CCDC91: variants seen among roughly 807,000 people sequenced by gnomAD.
The protein encoded by CCDC91 is coiled-coil domain containing 91.
In CCDC91, 48 loss-of-function variants were observed where a neutral mutation model predicts 63.2. The observed-to-expected ratio is 0.76, with a 90% CI of 0.60 to 0.97. The LOEUF is 0.97. Among genes scored for constraint, CCDC91 ranks in the 50% least tolerant of loss-of-function variants. The probability of loss-of-function intolerance (pLI) is 0.00; values close to 1 mark genes in which losing one functional copy is unlikely to be tolerated. For missense variants in CCDC91, 500 were observed against 494.6 expected (o/e 1.01, Z -0.10); for synonymous variants, 167 against 165.8 (o/e 1.01, Z -0.06).
intron 12 of CCDC91, among the ~76,000 whole-genome samples, chr12:28,526,328 G>C (rs1268950323): frequency 6.6e-6 from 1 of 152,040 alleles, no homozygotes; most frequent in Non-Finnish European, 1.5e-5. Context: ...ATGTTTGTTT[G>C]TCTGAAAAAG....
intron 8 of CCDC91, among the ~76,000 whole-genome samples, chr12:28,418,585 AG>A (rs1215237100): frequency 3.9e-5 from 6 of 152,142 alleles, no homozygotes; most frequent in Non-Finnish European, 7.4e-5. Flanking sequence ...GCTGTCCTTT[AG>A]AAAAAGCTGA....
chr12:28,363,304 G>C (rs1201848137), intron 7 of CCDC91, among the ~76,000 whole-genome samples: 1 of 151,740 alleles, frequency 6.6e-6, no homozygotes, highest in Non-Finnish European at 1.5e-5. Flanking sequence ...ACTCTTTCTT[G>C]CTGTATTTAC....
At chr12:28,224,404 C>T (rs1944142645) in intron 1 of CCDC91, among the ~76,000 whole-genome samples, 1 of 152,210 alleles carries the variant, frequency 6.6e-6, no homozygotes, top group Non-Finnish European at 1.5e-5. Context: ...GGCTTAATTT[C>T]TTCTAGGCTT....
intron 1 of CCDC91, among the ~76,000 whole-genome samples, chr12:28,234,374 T>C (rs1026920477): frequency 1.3e-5 from 2 of 152,146 alleles, no homozygotes; most frequent in Middle Eastern, 3.2e-3. Flanking sequence ...TGTCCTAAAT[T>C]TTTATAGTCT....
chr12:28,295,412 G>A (rs1949508824), intron 3 of CCDC91, among the ~76,000 whole-genome samples: 1 of 151,878 alleles, frequency 6.6e-6, no homozygotes, highest in South Asian at 2.1e-4. Flanking sequence ...TTGATATACA[G>A]CACACTAATA....
intron 8 of CCDC91, among the ~76,000 whole-genome samples, chr12:28,429,300 A>G (rs1449168179): frequency 2.0e-5 from 3 of 152,164 alleles, no homozygotes; most frequent in Admixed American, 2.0e-4. Context: ...TTAATCCAGT[A>G]TTCTTTCTAC....
chr12:28,435,595 G>C (rs1444317103), intron 8 of CCDC91, among the ~76,000 whole-genome samples: 1 of 151,764 alleles, frequency 6.6e-6, no homozygotes, highest in Non-Finnish European at 1.5e-5. Context: ...GCTGTTGTTG[G>C]ATGAAGTCTA....
chr12:28,500,630 C>T (rs1198183186), intron 12 of CCDC91, among the ~76,000 whole-genome samples: 4 of 151,634 alleles, frequency 2.6e-5, no homozygotes, highest in East Asian at 1.9e-4. Flanking sequence ...AAATAGATAC[C>T]GTTACCAAGT....
At chr12:28,534,848 C>T (rs1020933635) in intron 12 of CCDC91, among the ~76,000 whole-genome samples, 2 of 152,184 alleles carry the variant, frequency 1.3e-5, no homozygotes, top group East Asian at 1.9e-4. Flanking sequence ...CCTGCTTTCC[C>T]TCATTTCTCT....
intron 7 of CCDC91, among the ~76,000 whole-genome samples, chr12:28,388,213 T>C (rs1945722126): frequency 6.6e-6 from 1 of 152,164 alleles, no homozygotes; most frequent in African/African-American, 2.4e-5. Flanking sequence ...TTAGCCTACT[T>C]TTTGATGGGA....
intron 7 of CCDC91, among the ~76,000 whole-genome samples, chr12:28,376,063 G>C (rs1944924285): frequency 6.6e-6 from 1 of 151,666 alleles, no homozygotes; most frequent in African/African-American, 2.4e-5. Flanking sequence ...TTCTTTCCTG[G>C]AAATTCTGAA....
intron 12 of CCDC91, among the ~76,000 whole-genome samples, chr12:28,509,731 G>T (rs1939158864): frequency 6.6e-6 from 1 of 151,848 alleles, no homozygotes; most frequent in Admixed American, 6.6e-5. Context: ...TATTTGTATT[G>T]CTCTTCAGCG....
At chr12:28,419,754 A>T (rs1205965850) in intron 8 of CCDC91, among the ~76,000 whole-genome samples, 3 of 146,226 alleles carry the variant, frequency 2.1e-5, no homozygotes, top group Non-Finnish European at 3.0e-5. Context: ...TTAAATTATC[A>T]TTTTTTTTTT....
At chr12:28,280,389 T>C (rs1948526446) in intron 3 of CCDC91, among the ~76,000 whole-genome samples, 1 of 152,098 alleles carries the variant, frequency 6.6e-6, no homozygotes, top group Admixed American at 6.6e-5. Flanking sequence ...GGATTTACCA[T>C]CTGAGTGTGT....
At chr12:28,240,658 G>A (rs1024976694) in intron 1 of CCDC91, among the ~76,000 whole-genome samples, 9 of 151,526 alleles carry the variant, frequency 5.9e-5, no homozygotes, top group African/African-American at 2.2e-4. Context: ...TTCACTCAGT[G>A]TAATACCTTT....
chr12:28,480,760 G>C (rs1168329054), intron 11 of CCDC91, among the ~76,000 whole-genome samples: 1 of 151,938 alleles, frequency 6.6e-6, no homozygotes, highest in Non-Finnish European at 1.5e-5. Flanking sequence ...ATAGTACTAT[G>C]GTTTACAACC....
intron 1 of CCDC91, among the ~76,000 whole-genome samples, chr12:28,220,999 C>T (rs769777989): frequency 6.6e-5 from 10 of 152,078 alleles, no homozygotes; most frequent in Non-Finnish European, 1.3e-4. Flanking sequence ...AGAAAATTTT[C>T]AGCCATACTT....
intron 1 of CCDC91, among the ~76,000 whole-genome samples, chr12:28,214,186 A>G (rs1943414699): frequency 6.6e-6 from 1 of 152,142 alleles, no homozygotes; most frequent in Admixed American, 6.5e-5. Flanking sequence ...TAGCCTGGTC[A>G]CTTTGGACTC....
intron 6 of CCDC91, among the ~76,000 whole-genome samples, chr12:28,361,352 C>T (rs1471787337): frequency 1.3e-5 from 2 of 151,838 alleles, no homozygotes; most frequent in African/African-American, 2.4e-5. Flanking sequence ...CCACAACAGT[C>T]CCCAGAGTGT....
Sources: allele counts gnomAD v4.1 joint callset (sites outside exome capture counted in the v4.1 genomes callset), GRCh38; gene constraint gnomAD v4.1.1; transcripts MANE v1.5; gene names NCBI Gene and HGNC (gene_info 2026-07-23, HGNC 2026-07-21).